Variants in AOAH observed in about 807,000 individuals in gnomAD.
The protein encoded by AOAH is acyloxyacyl hydrolase.
Under a neutral mutation model 92.2 loss-of-function variants are expected in AOAH, and 64 were observed. The ratio of observed to expected loss-of-function variants is 0.69; its 90% confidence interval spans 0.57 to 0.86. The LOEUF is 0.86. Ranked by LOEUF, AOAH falls within the 40% of genes least tolerant of loss-of-function variation. The probability of loss-of-function intolerance (pLI) is 0.00; values close to 1 mark genes in which losing one functional copy is unlikely to be tolerated. For missense variants in AOAH, 656 were observed against 694.6 expected (o/e 0.94, Z 0.62); for synonymous variants, 263 against 254.5 (o/e 1.03, Z -0.32).
intron 16 of AOAH, among the ~76,000 whole-genome samples, chr7:36,538,770 T>C (rs1383476963): frequency 6.6e-6 from 1 of 152,242 alleles, no homozygotes; most frequent in African/African-American, 2.4e-5. Flanking sequence ...GTGATCATGT[T>C]ATTTCTAAGG....
chr7:36,546,774 C>A (rs937613011), intron 15 of AOAH, among the ~76,000 whole-genome samples: 6 of 152,176 alleles, frequency 3.9e-5, no homozygotes, highest in African/African-American at 7.2e-5. Flanking sequence ...CTGACCATAG[C>A]TTTGTTCTGT....
In AOAH at chr7:36,713,764, T is replaced by C. The variant is rs562695715; in HGVS notation, c.127+10258A>G. Among the ~76,000 whole-genome samples, 1,492 of 152,304 alleles carry C rather than the reference T, an allele frequency of 9.8e-3. 19 individuals are homozygous for C. The highest frequency in any genetic ancestry group is 0.034 in the African/African-American group (1,395 of 41,558). On this transcript the variant is annotated intron_variant, in intron 1 of 20. Coordinates refer to ENST00000617537, the MANE Select transcript of AOAH (RefSeq NM_001637.4). ...CATAATGAAGGCAGAAATAAAGATG[T>C]TCTTTGAAACCAATGAGAACAAAGA...
intron 6 of AOAH, among the ~76,000 whole-genome samples, chr7:36,631,221 C>T (rs184655834): frequency 2.5e-4 from 38 of 152,160 alleles, no homozygotes; most frequent in Admixed American, 3.3e-4. Flanking sequence ...GTGGTGTGCG[C>T]CTGTAATCCC....
chr7:36,689,565 G>A (rs1011573811), intron 1 of AOAH, among the ~76,000 whole-genome samples: 3 of 151,970 alleles, frequency 2.0e-5, no homozygotes, highest in African/African-American at 7.3e-5. Flanking sequence ...TATGATCTTT[G>A]TTCACAGGAA....
intron 13 of AOAH, among the ~76,000 whole-genome samples, chr7:36,557,805 G>A (rs1306364052): frequency 2.0e-5 from 3 of 151,838 alleles, no homozygotes; most frequent in Non-Finnish European, 4.4e-5. Flanking sequence ...CATTCTTCAC[G>A]TAGTTCTCGA....
intron 3 of AOAH, among the ~76,000 whole-genome samples, chr7:36,669,639 T>C (rs1314588068): frequency 6.6e-6 from 1 of 152,184 alleles, no homozygotes. Context: ...CGCCTCAGCC[T>C]CCCAAAGTGC....
rs185474918 is a variant in AOAH, at chr7:36,605,366, T to G, written c.847-10936A>C. 1.1e-4 allele frequency among the ~76,000 whole-genome samples: 17 copies of G among 152,352 alleles called. No individual in the cohort carries two copies. In the South Asian group the frequency reaches 2.5e-3, roughly 22 times the overall value. The stretch of plus-strand genomic sequence containing the variant: ...AACTTGAGATTCTAGGCGTTTCCCC[T>G]GTGATGAGTAATTTCATGAGCTCCA... On this transcript the variant is annotated intron_variant, in intron 11 of 20. Transcript: ENST00000617537.
chr7:36,515,728 A>G (rs1783634660), intron 20 of AOAH, among the ~76,000 whole-genome samples: 1 of 89,700 alleles, frequency 1.1e-5, no homozygotes, highest in African/African-American at 4.5e-5. Flanking sequence ...ACACACCAAC[A>G]CCACACACAC....
chr7:36,514,826 C>T, intron 20 of AOAH: 1 of 494,782 alleles, frequency 2.0e-6, no homozygotes, highest in Non-Finnish European at 3.7e-6. Context: ...CTCTCTGGGC[C>T]CAGCCCTCTC....
chr7:36,667,016 GA>G (rs1795586236), intron 3 of AOAH, among the ~76,000 whole-genome samples: 1 of 152,144 alleles, frequency 6.6e-6, no homozygotes, highest in Non-Finnish European at 1.5e-5. Context: ...GTGAACTTGA[GA>G]AGAATGTGTA....
In AOAH at chr7:36,710,997, G is replaced by A. The variant is rs528356789; in HGVS notation, c.127+13025C>T. Among the ~76,000 whole-genome samples, 156 of 152,210 alleles carry A rather than the reference G, an allele frequency of 1.0e-3. 1 individual carries two copies. The highest frequency in any genetic ancestry group is 2.7e-3 in the South Asian group (13 of 4,820). Reference sequence around the variant, plus strand: ...CCGAGGGTGAAGCTATGCCCCCAAAGTCACATTTGTACAGAGTGGCAGAAC... The same window carrying A: ...CCGAGGGTGAAGCTATGCCCCCAAAATCACATTTGTACAGAGTGGCAGAAC... On this transcript the variant is annotated intron_variant, in intron 1 of 20. Coordinates refer to ENST00000617537, the MANE Select transcript of AOAH (RefSeq NM_001637.4).
At chr7:36,698,618 G>A (rs931130074) in intron 1 of AOAH, among the ~76,000 whole-genome samples, 4 of 151,968 alleles carry the variant, frequency 2.6e-5, no homozygotes, top group Non-Finnish European at 5.9e-5. Flanking sequence ...AATATATTAT[G>A]TTTTCATTTT....
At chr7:36,565,905 T>C (rs1583833562) in intron 13 of AOAH, among the ~76,000 whole-genome samples, 1 of 152,102 alleles carries the variant, frequency 6.6e-6, no homozygotes, top group Admixed American at 6.5e-5. Context: ...AATAACACTA[T>C]TGCCTGATCT....
At chr7:36,649,080 G>A (rs1034172576) in intron 4 of AOAH, among the ~76,000 whole-genome samples, 3 of 152,152 alleles carry the variant, frequency 2.0e-5, no homozygotes, top group Non-Finnish European at 2.9e-5. Flanking sequence ...ATCAGTTGTC[G>A]TTGCCTTTTA....
intron 19 of AOAH, among the ~76,000 whole-genome samples, chr7:36,523,125 C>T (rs1784193081): frequency 1.3e-5 from 2 of 152,164 alleles, no homozygotes; most frequent in African/African-American, 4.8e-5. Context: ...TAATGCTGCC[C>T]TTCTCAAAGC....
intron 20 of AOAH, among the ~76,000 whole-genome samples, chr7:36,515,441 AAAC>A (rs1439225165): frequency 3.0e-5 from 3 of 98,440 alleles, no homozygotes; most frequent in Non-Finnish European, 5.8e-5. Context: ...CACCACACAC[AAAC>A]ACCACACACA....
At chr7:36,691,678 A>T (rs1797408646) in intron 1 of AOAH, among the ~76,000 whole-genome samples, 1 of 152,114 alleles carries the variant, frequency 6.6e-6, no homozygotes, top group African/African-American at 2.4e-5. Flanking sequence ...ATGGAATAAC[A>T]ATGCCCCTTG....
chr7:36,535,476 T>C (rs886236586), intron 16 of AOAH, among the ~76,000 whole-genome samples: 1 of 152,168 alleles, frequency 6.6e-6, no homozygotes, highest in Non-Finnish European at 1.5e-5. Flanking sequence ...CGTGATAAAA[T>C]AGAAACACCA....
chr7:36,533,675 G>A (rs1784830928), intron 16 of AOAH, among the ~76,000 whole-genome samples: 2 of 110,182 alleles, frequency 1.8e-5, no homozygotes, highest in South Asian at 5.8e-4. Context: ...TCTATTTTGT[G>A]TGCGTGTGTG....
Sources: allele counts gnomAD v4.1 joint callset (sites outside exome capture counted in the v4.1 genomes callset), GRCh38; gene constraint gnomAD v4.1.1; transcripts MANE v1.5; gene names NCBI Gene and HGNC (gene_info 2026-07-23, HGNC 2026-07-21).